VRK3: variants seen among roughly 807,000 people sequenced by gnomAD.
VRK3 encodes serine/threonine-protein kinase VRK3.
A neutral mutation model predicts 60.4 loss-of-function variants in VRK3; 50 were observed. The observed-to-expected ratio is 0.83, with a 90% CI of 0.66 to 1.05. The LOEUF is 1.05. VRK3 is among the 50% of genes least tolerant of loss of function. The pLI is 0.00. For missense variants in VRK3, 549 were observed against 585.3 expected (o/e 0.94, Z 0.64); for synonymous variants, 246 against 227.8 (o/e 1.08, Z -0.72).
intron 13 of VRK3, 77 bp from the exon 14 acceptor site, chr19:49,979,319 A>C (rs756962090): frequency 1.9e-6 from 3 of 1,600,420 alleles, no homozygotes; most frequent in Non-Finnish European, 2.6e-6. Flanking sequence ...TCTCCACCCA[A>C]GGATGGAGGG....
intron 12 of VRK3, among the ~76,000 whole-genome samples, chr19:49,987,464 G>A (rs1226623069): frequency 6.6e-6 from 1 of 152,218 alleles, no homozygotes; most frequent in African/African-American, 2.4e-5. Flanking sequence ...TGCCCTTAGT[G>A]TTCAATCTCA....
At chr19:49,977,091 C>T (rs746577875) in intron 14 of VRK3, among the ~76,000 whole-genome samples, 5 of 151,970 alleles carry the variant, frequency 3.3e-5, no homozygotes, top group South Asian at 2.1e-4. Context: ...GGGAAGGCCT[C>T]GGGTCTTGAG....
At chr19:50,020,704 T>C (rs1032888735) in intron 1 of VRK3, 57 bp from the exon 2 acceptor site, 1 of 152,238 alleles carries the variant, frequency 6.6e-6, no homozygotes, top group Non-Finnish European at 1.5e-5. Context: ...AAATGAAAGA[T>C]AATGGCTAAT....
In VRK3 at chr19:49,988,318, C is replaced by T; in HGVS notation, c.1217+54G>A. ...CAGTTGGGCTCTGGGCTTCTGTCCACCTGCAGGGGTTCTGCTGACCACCTG... is the reference window on the plus strand; with the variant it reads ...CAGTTGGGCTCTGGGCTTCTGTCCATCTGCAGGGGTTCTGCTGACCACCTG... On this transcript the variant is annotated intron_variant, in intron 12 of 14. Transcript: ENST00000316763. The T allele has an allele frequency of 7.1e-6, 11 of 1,553,726 alleles. No homozygotes were observed. In the South Asian group the frequency reaches 1.2e-4, roughly 17 times the overall value.
intron 12 of VRK3, chr19:49,982,109 C>T (rs2076434484): frequency 1.4e-6 from 1 of 702,888 alleles, no homozygotes; most frequent in African/African-American, 1.7e-5. Flanking sequence ...AGGTGGAAAA[C>T]TGCAAACTGC....
At chr19:49,980,254 T>G (rs2076400429) in intron 13 of VRK3, among the ~76,000 whole-genome samples, 1 of 151,982 alleles carries the variant, frequency 6.6e-6, no homozygotes, top group South Asian at 2.1e-4. Flanking sequence ...AAATACCCAG[T>G]AACAGGGATT....
At chr19:50,015,834 G>T in intron 3 of VRK3, 190 bp downstream of exon 3, 1 of 713,724 alleles carries the variant, frequency 1.4e-6, no homozygotes, top group African/African-American at 1.8e-5. Context: ...TGGAGACAGT[G>T]TTCAAAGCCA....
chr19:50,012,547 T>G (rs10407701), intron 3 of VRK3, among the ~76,000 whole-genome samples: 8,003 of 152,042 alleles, frequency 0.053, 696 homozygotes, highest in African/African-American at 0.18. Flanking sequence ...TGATGACTGA[T>G]GGAGTGAATA....
At chr19:50,009,521 T>C in intron 3 of VRK3, 136 bp from the exon 4 acceptor site, 5 of 955,180 alleles carry the variant, frequency 5.2e-6, no homozygotes, top group Non-Finnish European at 7.7e-6. Context: ...CTTCTTCTAT[T>C]ATGTAAATAT....
intron 1 of VRK3, among the ~76,000 whole-genome samples, chr19:50,024,456 G>A (rs1375891594): frequency 6.6e-6 from 1 of 152,206 alleles, no homozygotes; most frequent in Non-Finnish European, 1.5e-5. Flanking sequence ...TCAGTTTTCA[G>A]AACGTTTTGG....
intron 12 of VRK3, chr19:49,987,691 C>T (rs1322376260): frequency 1.4e-5 from 2 of 147,856 alleles, no homozygotes; most frequent in Non-Finnish European, 2.9e-5. Flanking sequence ...GTTTCCCACA[C>T]ACAATGAGCT....
chr19:49,997,264 C>G, intron 7 of VRK3: 1 of 421,348 alleles, frequency 2.4e-6, no homozygotes, highest in Non-Finnish European at 4.3e-6. Flanking sequence ...GGAGTATAGG[C>G]GTCAACCCAC....
intron 5 of VRK3, among the ~76,000 whole-genome samples, chr19:50,002,579 T>C (rs1446226990): frequency 6.6e-6 from 1 of 152,170 alleles, no homozygotes; most frequent in South Asian, 2.1e-4. Context: ...AGCTGGCAAT[T>C]TGATACAATT....
chr19:49,996,868 C>T (rs944182949), intron 7 of VRK3: 12 of 152,396 alleles, frequency 7.9e-5, no homozygotes, highest in African/African-American at 2.9e-4. Flanking sequence ...CTACCCACCT[C>T]AGCCTGCCAA....
At chr19:49,978,744 CAAG>C (rs1365306321) in intron 14 of VRK3, 1 of 196,740 alleles carries the variant, frequency 5.1e-6, no homozygotes, top group East Asian at 1.4e-4. Flanking sequence ...GGCATGGATG[CAAG>C]AAGGGACAGA....
intron 2 of VRK3, among the ~76,000 whole-genome samples, chr19:50,016,822 TAAC>T (rs1469153094): frequency 6.6e-6 from 1 of 150,620 alleles, no homozygotes; most frequent in Non-Finnish European, 1.5e-5. Context: ...GAAGGGAAAT[TAAC>T]AAGGATGAAG....
intron 5 of VRK3, among the ~76,000 whole-genome samples, chr19:50,002,635 T>G (rs2076827312): frequency 6.6e-6 from 1 of 152,212 alleles, no homozygotes; most frequent in Non-Finnish European, 1.5e-5. Flanking sequence ...TCTTTCACTT[T>G]TCTAACTGGC....
At chr19:50,023,343 G>A (rs568695100) in intron 1 of VRK3, among the ~76,000 whole-genome samples, 3 of 152,258 alleles carry the variant, frequency 2.0e-5, no homozygotes, top group Admixed American at 6.5e-5. Flanking sequence ...GTGTCACCAC[G>A]CCTGGCTAAT....
chr19:50,022,290 A>G (rs942045647), intron 1 of VRK3, among the ~76,000 whole-genome samples: 1 of 149,218 alleles, frequency 6.7e-6, no homozygotes, highest in East Asian at 1.9e-4. Flanking sequence ...CCACGGCAAG[A>G]GAGTCTTTTA....
Sources: allele counts gnomAD v4.1 joint callset (sites outside exome capture counted in the v4.1 genomes callset), GRCh38; gene constraint gnomAD v4.1.1; transcripts MANE v1.5; gene names NCBI Gene and HGNC (gene_info 2026-07-23, HGNC 2026-07-21).